Variants in SV2C observed in about 807,000 individuals in gnomAD.
SV2C encodes solute carrier family 22 member B3.
A neutral mutation model predicts 79.7 loss-of-function variants in SV2C; 49 were observed. That is an observed-to-expected ratio of 0.61 (90% confidence interval 0.49 to 0.78). The LOEUF is 0.78. Among genes scored for constraint, SV2C ranks in the 30% least tolerant of loss-of-function variants. The pLI, the probability that SV2C is intolerant of heterozygous loss-of-function variation, is 0.00. For synonymous variants in SV2C, 334 were observed against 333.2 expected (o/e 1.00, Z -0.03); for missense variants, 833 against 912.9 (o/e 0.91, Z 1.13).
At chr5:76,096,833 C>T (rs1747579432) in intron 1 of SV2C, among the ~76,000 whole-genome samples, 1 of 152,186 alleles carries the variant, frequency 6.6e-6, no homozygotes, top group African/African-American at 2.4e-5. Flanking sequence ...AGAATTCTTT[C>T]TCTCTGCCTG....
the SV2C span, among the ~76,000 whole-genome samples, chr5:75,937,913 T>A: frequency 4.6e-5 from 7 of 151,636 alleles, no homozygotes; most frequent in Non-Finnish European, 8.8e-5. Flanking sequence ...GTTGGCCAAT[T>A]TCTTCTTTTA....
chr5:76,187,611 T>C (rs1226970552), intron 2 of SV2C, among the ~76,000 whole-genome samples: 1 of 152,178 alleles, frequency 6.6e-6, no homozygotes, highest in Admixed American at 6.5e-5. Context: ...TTCTTTGCTT[T>C]TATTTGATTT....
At chr5:75,952,274 CCTTCCTTCCTTCCTTT>C in the SV2C span, among the ~76,000 whole-genome samples, 5,856 of 134,212 alleles carry the variant, frequency 0.044, 172 homozygotes, top group Middle Eastern at 0.064. Context: ...TTCCTTCCTT[CCTTCCTTCCTTCCTTT>C]CTTCCTTCCT....
chr5:76,306,637 G>A (rs1748203589), intron 12 of SV2C, among the ~76,000 whole-genome samples: 1 of 152,122 alleles, frequency 6.6e-6, no homozygotes, highest in Non-Finnish European at 1.5e-5. Flanking sequence ...AATTCTCTGG[G>A]TAAAACAAAA....
At chr5:76,324,673 C>G (rs997439889) in intron 12 of SV2C, among the ~76,000 whole-genome samples, 1 of 151,702 alleles carries the variant, frequency 6.6e-6, no homozygotes, top group Non-Finnish European at 1.5e-5. Context: ...GGAGGACACC[C>G]CCATCTCTAC....
chr5:76,118,205 T>G (rs1748342350), intron 1 of SV2C, among the ~76,000 whole-genome samples: 1 of 152,228 alleles, frequency 6.6e-6, no homozygotes, highest in South Asian at 2.1e-4. Context: ...CAGGTGCTCC[T>G]CAGCCTGTGG....
intron 4 of SV2C, among the ~76,000 whole-genome samples, chr5:76,250,748 C>G (rs1348285230): frequency 6.6e-6 from 1 of 152,190 alleles, no homozygotes; most frequent in Non-Finnish European, 1.5e-5. Context: ...CAGTACTAAG[C>G]AGAAAACGAT....
the SV2C span, among the ~76,000 whole-genome samples, chr5:75,920,464 C>G: frequency 1.3e-5 from 2 of 152,140 alleles, no homozygotes; most frequent in African/African-American, 4.8e-5. Context: ...GGCTAAAAAG[C>G]TATTTTAAGA....
the SV2C span, among the ~76,000 whole-genome samples, chr5:75,949,271 A>G: frequency 6.6e-6 from 1 of 151,964 alleles, no homozygotes; most frequent in Admixed American, 6.6e-5. Context: ...TTTCTTTATA[A>G]ATTACTCACT....
chr5:76,127,204 G>A (rs73130279), intron 1 of SV2C, among the ~76,000 whole-genome samples: 1,794 of 152,268 alleles, frequency 0.012, 34 homozygotes, highest in African/African-American at 0.041. Flanking sequence ...GGCGGTGTGG[G>A]GAAACACCAA....
chr5:76,231,529 C>T (rs1477212954), intron 4 of SV2C, among the ~76,000 whole-genome samples: 9 of 150,314 alleles, frequency 6.0e-5, no homozygotes, highest in East Asian at 1.9e-4. Flanking sequence ...GCTGGTGCGC[C>T]GCACCCACTA....
chr5:76,300,962 G>C (rs753742459), intron 11 of SV2C, 30 bp downstream of exon 11: 1 of 1,611,300 alleles, frequency 6.2e-7, no homozygotes, highest in African/African-American at 1.3e-5. Flanking sequence ...TCAAATAAAA[G>C]AGCTGCCCCT....
At chr5:76,134,294 T>G (rs1236828884) in intron 2 of SV2C, among the ~76,000 whole-genome samples, 5 of 152,240 alleles carry the variant, frequency 3.3e-5, no homozygotes, top group Non-Finnish European at 1.5e-5. Flanking sequence ...TTTTAATGCT[T>G]TCATAACTGT....
chr5:76,336,713 A>G (rs927391762), downstream of SV2C, among the ~76,000 whole-genome samples: 4 of 152,224 alleles, frequency 2.6e-5, no homozygotes, highest in African/African-American at 9.6e-5. Context: ...CAACACAGCG[A>G]AACCCCGTCT....
At chr5:76,137,738 A>G (rs1561232217) in intron 2 of SV2C, among the ~76,000 whole-genome samples, 1 of 152,182 alleles carries the variant, frequency 6.6e-6, no homozygotes, top group Non-Finnish European at 1.5e-5. Flanking sequence ...TCCCTTCAGA[A>G]CCAGTAGCCA....
At chr5:75,965,780 A>T in the SV2C span, among the ~76,000 whole-genome samples, 8 of 152,288 alleles carry the variant, frequency 5.3e-5, no homozygotes, top group African/African-American at 1.4e-4. Context: ...CTAGGGATAC[A>T]GGAAGATGTA....
chr5:76,309,896 T>C (rs1159910531), intron 12 of SV2C, among the ~76,000 whole-genome samples: 2 of 152,080 alleles, frequency 1.3e-5, no homozygotes, highest in Admixed American at 1.3e-4. Context: ...GGACAGTGGG[T>C]CTGGGCTGTG....
At chr5:76,288,061 G>T (rs952626132) in intron 6 of SV2C, among the ~76,000 whole-genome samples, 1 of 146,468 alleles carries the variant, frequency 6.8e-6, no homozygotes, top group African/African-American at 2.6e-5. Context: ...CTCTAGCCTG[G>T]CAACAGAGCA....
intron 4 of SV2C, among the ~76,000 whole-genome samples, chr5:76,226,448 C>CA (rs925327422): frequency 2.0e-5 from 3 of 151,548 alleles, no homozygotes; most frequent in Admixed American, 6.6e-5. Flanking sequence ...ATCTGATTTC[C>CA]AAAAAAAAGG....
Sources: allele counts gnomAD v4.1 joint callset (sites outside exome capture counted in the v4.1 genomes callset), GRCh38; gene constraint gnomAD v4.1.1; transcripts MANE v1.5; gene names NCBI Gene and HGNC (gene_info 2026-07-23, HGNC 2026-07-21).